EGLN3: variants seen among roughly 807,000 people sequenced by gnomAD.
The protein encoded by EGLN3 is egl-9 family hypoxia inducible factor 3.
Under a neutral mutation model 26.0 loss-of-function variants are expected in EGLN3, and 15 were observed. That is an observed-to-expected ratio of 0.58 (90% CI 0.39 to 0.89). EGLN3 has a LOEUF of 0.89. EGLN3 is among the 40% of genes least tolerant of loss of function. The pLI is 0.00. For synonymous variants in EGLN3, 147 were observed against 127.2 expected (o/e 1.16, Z -1.05); for missense variants, 238 against 311.6 (o/e 0.76, Z 1.78).
intron 1 of EGLN3, chr14:33,948,951 T>C (rs2064537020): frequency 6.6e-6 from 1 of 152,046 alleles, no homozygotes; most frequent in South Asian, 2.1e-4. Context: ...AATGCAAAAA[T>C]CAAACTAGTC....
At chr14:33,938,226 C>T (rs892349340) in intron 1 of EGLN3, among the ~76,000 whole-genome samples, 3 of 152,224 alleles carry the variant, frequency 2.0e-5, no homozygotes, top group Non-Finnish European at 2.9e-5. Context: ...ATTTCATGCA[C>T]GACCTTCTGA....
chr14:33,932,484 A>C (rs1190462665), intron 1 of EGLN3, among the ~76,000 whole-genome samples: 1 of 152,202 alleles, frequency 6.6e-6, no homozygotes, highest in Non-Finnish European at 1.5e-5. Context: ...AATCAGCTTC[A>C]ACGTGGCTGC....
intron 1 of EGLN3, chr14:33,949,496 T>C (rs908147414): frequency 4.6e-5 from 7 of 152,222 alleles, no homozygotes; most frequent in African/African-American, 1.7e-4. Flanking sequence ...CACTCAGAAT[T>C]GCCACTGGAA....
chr14:33,937,776 A>G (rs1405916917), intron 1 of EGLN3, among the ~76,000 whole-genome samples: 2 of 152,194 alleles, frequency 1.3e-5, no homozygotes, highest in African/African-American at 4.8e-5. Flanking sequence ...CTCCCAAGGT[A>G]GAACAACGGT....
intron 3 of EGLN3, 102 bp from the exon 4 acceptor site, chr14:33,927,135 T>C: frequency 3.9e-6 from 2 of 516,282 alleles, no homozygotes; most frequent in Non-Finnish European, 6.2e-6. Context: ...TTTTCTCTAT[T>C]ATTAGAAGTC....
At chr14:33,935,611 A>T (rs987578564) in intron 1 of EGLN3, among the ~76,000 whole-genome samples, 2 of 141,552 alleles carry the variant, frequency 1.4e-5, no homozygotes, top group Non-Finnish European at 3.2e-5. Flanking sequence ...ACACACACAC[A>T]CACACACACA....
In EGLN3 at chr14:33,925,034, A is replaced by T. The variant is rs2064351802; in HGVS notation, c.*857T>A. 6.6e-6 allele frequency: 1 copy of T among 150,714 alleles called. No individual in the cohort carries two copies. The highest frequency in any genetic ancestry group is 2.1e-4 in the South Asian group (1 of 4,764). The allele number at this position is 150,714 out of a possible 1,614,324, so 9.3% of individuals were successfully genotyped here. On this transcript the variant is annotated 3_prime_UTR_variant, in exon 5 of 5. Coordinates refer to ENST00000250457, the MANE Select transcript of EGLN3 (RefSeq NM_022073.4). Reference sequence around the variant, plus strand: ...CAAGATGCACACATGTTTATTGTATATCAGTAGACCTAGCTCTTTCCACAG... The same window carrying T: ...CAAGATGCACACATGTTTATTGTATTTCAGTAGACCTAGCTCTTTCCACAG...
intron 1 of EGLN3, among the ~76,000 whole-genome samples, chr14:33,943,885 C>A (rs1286057422): frequency 1.3e-5 from 2 of 152,084 alleles, no homozygotes; most frequent in East Asian, 3.9e-4. Context: ...AAAAATTTTA[C>A]CAATTTTGCT....
intron 1 of EGLN3, among the ~76,000 whole-genome samples, chr14:33,941,406 T>C (rs956679667): frequency 8.7e-5 from 13 of 148,996 alleles, no homozygotes; most frequent in African/African-American, 3.0e-4. Context: ...ATTTCGAAAC[T>C]GAGAAAAAAA....
At position 33,950,625 on chromosome 14, in the gene EGLN3, A is replaced by G; in HGVS notation, c.128T>C (p.Val43Ala). 1 of 1,613,834 alleles carries G rather than the reference A, an allele frequency of 6.2e-7. No homozygotes were observed. Among genetic ancestry groups the G allele is most frequent in the Non-Finnish European group, 8.5e-7 (1 of 1,179,936 alleles). The change falls in exon 1 of 5, where the codon GTC (valine) becomes GCC (alanine). Residue 43 changes from valine to alanine, a missense_variant. Coordinates refer to ENST00000250457, the MANE Select transcript of EGLN3 (RefSeq NM_022073.4). Reference protein sequence around the residue: ...NFLGEVVGDCVLERVKQLHCT... With the variant: ...NFLGEVVGDCALERVKQLHCT... ...GTGCAGCTGCTTGACGCGCTCCAGG[A>G]CGCAGTCGCCCACCACCTCGCCCAG...
intron 1 of EGLN3, among the ~76,000 whole-genome samples, chr14:33,942,079 TG>T (rs1169672220): frequency 3.9e-5 from 6 of 152,182 alleles, no homozygotes; most frequent in African/African-American, 2.4e-5. Flanking sequence ...TGGATTATTT[TG>T]TTTTAAGCAC....
chr14:33,942,616 G>T (rs1479353228), intron 1 of EGLN3, among the ~76,000 whole-genome samples: 1 of 152,126 alleles, frequency 6.6e-6, no homozygotes, highest in African/African-American at 2.4e-5. Flanking sequence ...GAACTTCAGG[G>T]TCTCACATTA....
intron 1 of EGLN3, chr14:33,948,500 T>G (rs1339577427): frequency 2.6e-5 from 4 of 152,200 alleles, no homozygotes; most frequent in African/African-American, 9.7e-5. Flanking sequence ...AAATTTTATT[T>G]TCAATTCACG....
At position 33,942,295 on chromosome 14, in the gene EGLN3, TAAA is replaced by T. The variant is rs35056523; in HGVS notation, c.357+8098_357+8100del. 2.1e-4 allele frequency among the ~76,000 whole-genome samples: 29 copies of T among 140,040 alleles called. 1 individual carries two copies. In the East Asian group the frequency reaches 5.3e-3, roughly 26 times the overall value. The allele number at this position is 140,040 out of a possible 152,430, so 91.9% of individuals were successfully genotyped here. A position where few individuals can be genotyped will look rare whatever the true frequency, so the allele number is the denominator to read the frequency against. On this transcript the variant is annotated intron_variant, in intron 1 of 4. Coordinates refer to ENST00000250457, the MANE Select transcript of EGLN3 (RefSeq NM_022073.4). Reference sequence around the variant, plus strand: ...ACTAAGAAAGGAAAGAAAGTTTAGTTAAAAAAAAAAAAAAGACAACTTGAGGTT... The same window carrying T: ...ACTAAGAAAGGAAAGAAAGTTTAGTTAAAAAAAAAAAGACAACTTGAGGTT...
rs1391757824 is a variant in EGLN3, at chr14:33,924,958, A to AAAC, written c.*932_*933insGTT. ...AGGAAAACTAAAAAAAAAAAAAAAA[A>AAAC]AAAAACAGGAACACCCACATTTCCA... On this transcript the variant is annotated 3_prime_UTR_variant, in exon 5 of 5. Transcript: ENST00000250457. 2 of 151,076 alleles carry AAAC rather than the reference A, an allele frequency of 1.3e-5. No individual in the cohort carries two copies. Among genetic ancestry groups the AAAC allele is most frequent in the Non-Finnish European group, 3.0e-5 (2 of 67,720 alleles). 9.4% of individuals were successfully genotyped at this position (151,076 alleles called of 1,614,324 possible).
rs1224654072 is a variant in EGLN3, at chr14:33,950,531, C to A, written c.222G>T (p.Arg74=). Residue 74 remains arginine, a synonymous_variant, in exon 1 of 5, where the codon CGG becomes CGT. Transcript: ENST00000250457. ...CCCCGATCCACGTGATCTGGTCGCCCCGCAGGTGTCGCTTGGAGACGCCGG... is the reference window on the plus strand; with the variant it reads ...CCCCGATCCACGTGATCTGGTCGCCACGCAGGTGTCGCTTGGAGACGCCGG... ...PRAGVSKRHL[R]GDQITWIGGN... 1 of 1,613,414 alleles carries A rather than the reference C, an allele frequency of 6.2e-7. No individual in the cohort carries two copies. The highest frequency in any genetic ancestry group is 8.5e-7 in the Non-Finnish European group (1 of 1,179,962).
intron 1 of EGLN3, among the ~76,000 whole-genome samples, chr14:33,939,230 A>G (rs963264510): frequency 1.4e-5 from 2 of 145,016 alleles, no homozygotes; most frequent in African/African-American, 5.1e-5. Flanking sequence ...TTCTTTTTTG[A>G]GACGGAGTCT....
intron 1 of EGLN3, among the ~76,000 whole-genome samples, chr14:33,943,991 A>T (rs2064500551): frequency 6.6e-6 from 1 of 152,232 alleles, no homozygotes; most frequent in Non-Finnish European, 1.5e-5. Flanking sequence ...AAGGGTGTTT[A>T]TCAATTTTCA....
At chr14:33,930,385 G>A (rs560209287) in intron 2 of EGLN3, among the ~76,000 whole-genome samples, 1 of 152,162 alleles carries the variant, frequency 6.6e-6, no homozygotes, top group Non-Finnish European at 1.5e-5. Flanking sequence ...ATGACAGCCA[G>A]TATTTGCCTA....
Sources: gnomAD v4.1 joint callset for allele counts (sites outside exome capture counted in the v4.1 genomes callset) on GRCh38, gnomAD v4.1.1 for gene constraint, MANE v1.5 for transcripts, NCBI Gene and HGNC (gene_info 2026-07-23, HGNC 2026-07-21) for gene names.